The following FBN3 variants were observed in gnomAD, a reference collection of about 807,000 sequenced individuals.
The protein encoded by FBN3 is fibrillin 3.
Under a neutral mutation model 330.1 loss-of-function variants are expected in FBN3, and 234 were observed. The ratio of observed to expected loss-of-function variants is 0.71; its 90% CI spans 0.64 to 0.79. FBN3 has a LOEUF of 0.79. Ranked by LOEUF, FBN3 falls within the 30% of genes least tolerant of loss-of-function variation. The pLI is 0.00. For missense variants in FBN3, 3,606 were observed against 3,886.9 expected, an observed-to-expected ratio of 0.93 and a Z score of 1.92; for synonymous variants, 1,458 against 1,517.3, an observed-to-expected ratio of 0.96 and a Z score of 0.91.
chr19:8,087,629 G>A (rs1221658287), intron 53 of FBN3, among the ~76,000 whole-genome samples, 196 bp downstream of exon 53: 1 of 134,158 alleles, frequency 7.5e-6, no homozygotes, highest in African/African-American at 3.0e-5. Flanking sequence ...TTTTTGAGGC[G>A]GAGTTTTGCT....
chr19:8,144,957 C>T lies in FBN3; in HGVS notation c.461G>A (p.Gly154Asp), dbSNP rs762955416. 5 of 1,610,532 alleles carry T rather than the reference C, an allele frequency of 3.1e-6. No individual in the cohort carries two copies. The East Asian group carries it at 1.1e-4, about 36-fold the overall frequency. The change falls in exon 6 of 64, where the codon GGC becomes GAC. Residue 154 changes from glycine to aspartate, a missense_variant. Gly to Asp is a moderately conservative substitution (Grantham distance 94). Coordinates refer to ENST00000600128, the MANE Select transcript of FBN3 (RefSeq NM_032447.5). ...TVCGQPICDR[G>D]CHNGGRCIGP... Reference sequence around the variant, plus strand: ...AATGCAGCGACCCCCATTGTGGCAGCCGCGGTCACAGATGGCTGTGGAGGA... The same window carrying T: ...AATGCAGCGACCCCCATTGTGGCAGTCGCGGTCACAGATGGCTGTGGAGGA...
rs564974011 is a variant in FBN3 at position 8,148,574 on chromosome 19, G to A, written c.-18+875C>T. 2.8e-4 allele frequency among the ~76,000 whole-genome samples: 42 copies of A among 152,306 alleles called. No individual in the cohort carries two copies. In the East Asian group the frequency reaches 7.7e-3, roughly 28 times the overall value. On this transcript the variant is annotated intron_variant, in intron 1 of 63. Transcript: ENST00000600128. ...ATGAAGGACGGGAGGGAGAAGACCG[G>A]GACAGGAGACGACCGTTTGGAGGGT... is the stretch of plus-strand genomic sequence containing the variant.
chr19:8,111,896 TCCCACTGCCTTGCCC>T (rs1224930356), intron 31 of FBN3, 66 bp downstream of exon 31: 10 of 455,930 alleles, frequency 2.2e-5, no homozygotes, highest in South Asian at 1.2e-4. Flanking sequence ...GATCCCACCC[TCCCACTGCCTTGCCC>T]CCCACCGCCT....
intron 30 of FBN3, among the ~76,000 whole-genome samples, chr19:8,113,322 A>T (rs984740411): frequency 6.6e-6 from 1 of 152,166 alleles, no homozygotes; most frequent in Non-Finnish European, 1.5e-5. Flanking sequence ...GCTGGAGTGC[A>T]GTGCAATGGT....
At chr19:8,093,443 G>GA (rs1409449191) in intron 47 of FBN3, among the ~76,000 whole-genome samples, 1 of 152,000 alleles carries the variant, frequency 6.6e-6, no homozygotes, top group East Asian at 2.0e-4. Flanking sequence ...CTAACATGGT[G>GA]AAACCCCGTC....
intron 30 of FBN3, 67 bp from the exon 31 acceptor site, chr19:8,112,166 G>C (rs190433032): frequency 3.9e-6 from 6 of 1,540,230 alleles, no homozygotes; most frequent in Non-Finnish European, 4.4e-6. Flanking sequence ...CAATAGCAGC[G>C]GAAAGGGCAG....
At chr19:8,101,443 T>C (rs2082325764) in intron 40 of FBN3, among the ~76,000 whole-genome samples, 1 of 152,182 alleles carries the variant, frequency 6.6e-6, no homozygotes, top group Non-Finnish European at 1.5e-5. Context: ...ACAGGACTCA[T>C]TCCTGCTGTC....
At position 8,147,129 on chromosome 19, in the gene FBN3, G is replaced by A; in HGVS notation, c.225C>T (p.Phe75=). ...GTACGACACACTGGCTCCTGCCAGG[G>A]AATGTCCTCCAGCCTGGACAGCAGT... The part of the protein sequence containing the change: ...HAYCCPGWRT[F]PGRSQCVVPI... Residue 75 remains phenylalanine (F), a synonymous_variant, in exon 3 of 64, where the codon TTC becomes TTT. Coordinates refer to ENST00000600128, the MANE Select transcript of FBN3 (RefSeq NM_032447.5). The A allele has an allele frequency of 6.4e-7, 1 of 1,570,106 alleles. No homozygotes were observed. Among genetic ancestry groups the A allele is most frequent in the Non-Finnish European group, 8.6e-7 (1 of 1,159,636 alleles).
intron 13 of FBN3, 25 bp downstream of exon 13, chr19:8,135,936 G>GGGGGGGGGGGGGGGGGGGGCGGCCCCCC: frequency 1.5e-6 from 1 of 668,778 alleles, no homozygotes; most frequent in Non-Finnish European, 2.4e-6. Flanking sequence ...GGAAGCCCCT[G>GGGGGGGGGGGGGGGGGGGGCGGCCCCCC]CCCACCCGCC....
intron 30 of FBN3, 129 bp from the exon 31 acceptor site, chr19:8,112,228 C>T (rs2082605959): frequency 2.2e-6 from 2 of 925,080 alleles, no homozygotes; most frequent in Admixed American, 2.8e-5. Context: ...CTCCCATTCA[C>T]CTGGGGAGCT....
intron 18 of FBN3, 52 bp downstream of exon 18, chr19:8,128,976 A>G (rs966308182): frequency 6.4e-7 from 1 of 1,567,692 alleles, no homozygotes; most frequent in Non-Finnish European, 8.7e-7. Context: ...CATGCCAAGT[A>G]TGTTGGAGCA....
intron 5 of FBN3, among the ~76,000 whole-genome samples, chr19:8,145,604 C>A (rs912333997): frequency 6.8e-6 from 1 of 146,576 alleles, no homozygotes; most frequent in Non-Finnish European, 1.5e-5. Flanking sequence ...TGGCGTGAAC[C>A]TGGGAGGCGG....
chr19:8,088,752 T>C (rs1396465772), intron 51 of FBN3, among the ~76,000 whole-genome samples: 3 of 151,970 alleles, frequency 2.0e-5, no homozygotes, highest in South Asian at 2.1e-4. Flanking sequence ...AGTGAGTAAA[T>C]GAATAAATGA....
chr19:8,101,107 CT>C, intron 40 of FBN3, 135 bp from the exon 41 acceptor site: 1 of 576,316 alleles, frequency 1.7e-6, no homozygotes, highest in Non-Finnish European at 3.1e-6. Flanking sequence ...TCTCCCCACC[CT>C]TTCCCTCCTT....
chr19:8,124,539 ATTT>A (rs55867844), intron 22 of FBN3, among the ~76,000 whole-genome samples: 136 of 132,346 alleles, frequency 1.0e-3, no homozygotes, highest in Admixed American at 1.1e-3. Flanking sequence ...TGCCTGGCCA[ATTT>A]TTTTTTTTTT....
In FBN3 at chr19:8,089,542, C is replaced by A; in HGVS notation, c.6376+3G>T. ...CAGAGCTGGGGAAGGGCTGGCCACTCACCCACACAGTTGATGCCAGTGAAG... is the reference window on the plus strand; with the variant it reads ...CAGAGCTGGGGAAGGGCTGGCCACTAACCCACACAGTTGATGCCAGTGAAG... On this transcript the variant is annotated splice_donor_region_variant and intron_variant, in intron 51 of 63. Transcript: ENST00000600128. 1 of 1,614,038 alleles carries A rather than the reference C, an allele frequency of 6.2e-7. No individual in the cohort carries two copies. The highest frequency in any genetic ancestry group is 1.1e-5 in the South Asian group (1 of 91,050).
chr19:8,145,713 A>G, intron 5 of FBN3, 130 bp downstream of exon 5: 1 of 601,108 alleles, frequency 1.7e-6, no homozygotes, highest in East Asian at 3.0e-5. Flanking sequence ...GACTGTGGCA[A>G]TAAACGTCCC....
intron 53 of FBN3, among the ~76,000 whole-genome samples, 177 bp from the exon 54 acceptor site, chr19:8,087,388 G>A (rs1047696115): frequency 6.6e-6 from 1 of 152,116 alleles, no homozygotes; most frequent in African/African-American, 2.4e-5. Context: ...CAGCCTCCAA[G>A]AAGCTGAGGG....
Position 8,142,021 on chromosome 19 carries a change from G to T in FBN3, c.658C>A (p.Leu220Ile). 1 of 1,614,192 alleles carries T rather than the reference G, an allele frequency of 6.2e-7. No homozygotes were observed. The highest frequency in any genetic ancestry group is 8.5e-7 in the Non-Finnish European group (1 of 1,180,012). Residue 220 changes from leucine (L) to isoleucine (I), a missense_variant, in exon 7 of 64, where the codon CTT (leucine) becomes ATT (isoleucine). Transcript: ENST00000600128. ...CCATVGRAWGLPCELCPAQPH... is the reference protein window; with the variant it reads ...CCATVGRAWGIPCELCPAQPH... The stretch of plus-strand genomic sequence containing the variant: ...TGTGCAGGGCAAAGTTCACATGGAA[G>T]GCCCCAGGCACGGCCCACAGTGGCA...
Sources: gnomAD v4.1 joint callset for allele counts (sites outside exome capture counted in the v4.1 genomes callset) on GRCh38, gnomAD v4.1.1 for gene constraint, MANE v1.5 for transcripts, NCBI Gene and HGNC (gene_info 2026-07-23, HGNC 2026-07-21) for gene names.